The following NDUFS4 variants were observed in gnomAD, a reference collection of about 807,000 sequenced individuals.
The protein encoded by NDUFS4 is NADH dehydrogenase [ubiquinone] iron-sulfur protein 4, mitochondrial.
In NDUFS4, 28 loss-of-function variants were observed where a neutral mutation model predicts 24.3. That is an observed-to-expected ratio of 1.15 (90% CI 0.85 to 1.58). The LOEUF (loss-of-function observed/expected upper bound fraction) is 1.58. Among genes scored for constraint, NDUFS4 ranks in the 40% most tolerant of loss-of-function variants. The probability of loss-of-function intolerance (pLI) is 0.00; values close to 1 mark genes in which losing one functional copy is unlikely to be tolerated. For synonymous variants in NDUFS4, 93 were observed against 69.7 expected (o/e 1.34, Z -1.67); for missense variants, 223 against 207.9 (o/e 1.07, Z -0.45).
chr5:53,675,201 A>G (rs1373367161), intron 4 of NDUFS4, among the ~76,000 whole-genome samples: 5 of 121,174 alleles, frequency 4.1e-5, no homozygotes, highest in African/African-American at 3.3e-5. Flanking sequence ...TCACTCTGTC[A>G]CCCAGGCTGA....
rs556584111 is a variant in NDUFS4, at chr5:53,664,735, A to AT, written c.424+6119dup. Among the ~76,000 whole-genome samples the AT allele has an allele frequency of 9.1e-3, 1,386 of 151,742 alleles. 16 individuals carry two copies. Among genetic ancestry groups the AT allele is most frequent in the African/African-American group, 0.032 (1,312 of 41,376 alleles). ...GTTATTCTAGTTAGCCATTTGTCTA[A>AT]TTTTTTTTCAAGGTTTTTAACTTCT... On this transcript the variant is annotated intron_variant, in intron 4 of 4. Transcript: ENST00000296684.
chr5:53,677,174 A>G (rs1385364741), intron 4 of NDUFS4, among the ~76,000 whole-genome samples: 3 of 152,194 alleles, frequency 2.0e-5, no homozygotes, highest in African/African-American at 7.2e-5. Context: ...GCAAATGCTG[A>G]ATAGTTCCAA....
intron 3 of NDUFS4, among the ~76,000 whole-genome samples, chr5:53,655,930 T>C (rs1752149955): frequency 6.6e-6 from 1 of 152,162 alleles, no homozygotes; most frequent in South Asian, 2.1e-4. Flanking sequence ...GCTGAAATCT[T>C]TGCTCAATTC....
chr5:53,659,965 A>G (rs913555078), intron 4 of NDUFS4, among the ~76,000 whole-genome samples: 1 of 152,094 alleles, frequency 6.6e-6, no homozygotes, highest in Non-Finnish European at 1.5e-5. Context: ...CAAATACTAT[A>G]TGATAGTATA....
chr5:53,588,674 A>G (rs566916609), intron 1 of NDUFS4, among the ~76,000 whole-genome samples: 1 of 152,188 alleles, frequency 6.6e-6, no homozygotes, highest in South Asian at 2.1e-4. Flanking sequence ...TTAAAAAACA[A>G]TATGTCAGTC....
rs368696566 is a variant in NDUFS4 at position 53,614,404 on chromosome 5, G to A, written c.177+10874G>A. Among the ~76,000 whole-genome samples, 23 of 151,892 alleles carry A rather than the reference G, an allele frequency of 1.5e-4. No individual in the cohort carries two copies. In the South Asian group the frequency reaches 2.1e-3, roughly 14 times the overall value. The stretch of plus-strand genomic sequence containing the variant: ...AACCATTAAAACTTAGAGAATGATC[G>A]TTCTATATTTAAATTGTTTAAGGAA... On this transcript the variant is annotated intron_variant, in intron 2 of 4. Coordinates refer to ENST00000296684, the MANE Select transcript of NDUFS4 (RefSeq NM_002495.4).
chr5:53,611,924 C>G (rs1485008939), intron 2 of NDUFS4, among the ~76,000 whole-genome samples: 1 of 152,006 alleles, frequency 6.6e-6, no homozygotes, highest in Non-Finnish European at 1.5e-5. Flanking sequence ...AGTAGGTACT[C>G]CCCTAAAAAA....
At chr5:53,636,744 C>T (rs1431762322) in intron 2 of NDUFS4, among the ~76,000 whole-genome samples, 4 of 152,108 alleles carry the variant, frequency 2.6e-5, no homozygotes, top group East Asian at 1.9e-4. Flanking sequence ...TGGTCCTTCT[C>T]GAATAGGTTA....
intron 4 of NDUFS4, among the ~76,000 whole-genome samples, chr5:53,682,337 C>A (rs1236216401): frequency 1.3e-5 from 2 of 151,894 alleles, no homozygotes; most frequent in African/African-American, 4.8e-5. Context: ...TATAAATACT[C>A]AGAAGAGAAT....
At chr5:53,564,571 A>T (rs1242226869) in intron 1 of NDUFS4, among the ~76,000 whole-genome samples, 1 of 152,188 alleles carries the variant, frequency 6.6e-6, no homozygotes, top group Non-Finnish European at 1.5e-5. Flanking sequence ...ACAGAGTCTC[A>T]TTCTGTTGCT....
In NDUFS4 at chr5:53,646,252, G is replaced by A; in HGVS notation, c.197G>A (p.Gly66Glu). ...DEKLDITTLT[G>E]VPEEHIKTRK... is the part of the protein sequence containing the mutation. ...CTGTAGGATATCACTACTTTAACTG[G>A]AGTTCCAGAAGAGCATATAAAAACT... is the stretch of plus-strand genomic sequence containing the variant. Residue 66 changes from glycine to glutamate, a missense_variant, in exon 3 of 5, where the codon GGA (glycine) becomes GAA (glutamate). Physicochemically the swap from Gly to Glu is moderately conservative, Grantham distance 98 (BLOSUM62 -2). Coordinates refer to ENST00000296684, the MANE Select transcript of NDUFS4 (RefSeq NM_002495.4). 1 of 1,611,368 alleles carries A rather than the reference G, an allele frequency of 6.2e-7. No homozygotes were observed. Among genetic ancestry groups the A allele is most frequent in the Admixed American group, 1.7e-5 (1 of 59,876 alleles).
intron 2 of NDUFS4, among the ~76,000 whole-genome samples, chr5:53,645,769 G>A (rs1751842403): frequency 6.6e-6 from 1 of 152,176 alleles, no homozygotes; most frequent in East Asian, 1.9e-4. Flanking sequence ...TAAGCAATTT[G>A]ACACAGAAAT....
chr5:53,567,771 T>C (rs1323071924), intron 1 of NDUFS4, among the ~76,000 whole-genome samples: 1 of 152,206 alleles, frequency 6.6e-6, no homozygotes, highest in East Asian at 1.9e-4. Context: ...GTCAAGCAAC[T>C]AAACCTATTA....
intron 4 of NDUFS4, among the ~76,000 whole-genome samples, chr5:53,682,241 A>C (rs1264978859): frequency 6.6e-6 from 1 of 152,172 alleles, no homozygotes; most frequent in East Asian, 1.9e-4. Flanking sequence ...AGGAGAACTA[A>C]AGAACAGGAC....
In NDUFS4 at chr5:53,616,686, C is replaced by T. The variant is rs536644517; in HGVS notation, c.177+13156C>T. Among the ~76,000 whole-genome samples, 4 of 152,116 alleles carry T rather than the reference C, an allele frequency of 2.6e-5. No individual in the cohort carries two copies. In the South Asian group the frequency reaches 8.3e-4, roughly 32 times the overall value. On this transcript the variant is annotated intron_variant, in intron 2 of 4. Coordinates refer to ENST00000296684, the MANE Select transcript of NDUFS4 (RefSeq NM_002495.4). The stretch of plus-strand genomic sequence containing the variant: ...AGGAGCTGGATCAGGTAAGAAGGCT[C>T]TTTAGGCCCATAGTAAGAAATTTGA...
chr5:53,565,747 A>T (rs1461028507), intron 1 of NDUFS4, among the ~76,000 whole-genome samples: 3 of 152,242 alleles, frequency 2.0e-5, no homozygotes, highest in Non-Finnish European at 4.4e-5. Context: ...GTATTCATAC[A>T]CTTTGACAAG....
chr5:53,675,775 A>T (rs1479646253), intron 4 of NDUFS4, among the ~76,000 whole-genome samples: 1 of 152,192 alleles, frequency 6.6e-6, no homozygotes, highest in South Asian at 2.1e-4. Flanking sequence ...ATTTACAGGG[A>T]TCATCAGATG....
At chr5:53,571,092 C>T (rs917498772) in intron 1 of NDUFS4, among the ~76,000 whole-genome samples, 9 of 152,146 alleles carry the variant, frequency 5.9e-5, no homozygotes, top group Admixed American at 5.2e-4. Context: ...AAAATTTACT[C>T]ATATAAAGTA....
At chr5:53,636,478 C>G (rs1751554278) in intron 2 of NDUFS4, among the ~76,000 whole-genome samples, 1 of 152,154 alleles carries the variant, frequency 6.6e-6, no homozygotes, top group Non-Finnish European at 1.5e-5. Context: ...AGGTAAATAA[C>G]AAAACTTCAA....
Sources: allele counts gnomAD v4.1 joint callset (sites outside exome capture counted in the v4.1 genomes callset), GRCh38; gene constraint gnomAD v4.1.1; transcripts MANE v1.5; gene names NCBI Gene and HGNC (gene_info 2026-07-23, HGNC 2026-07-21).